The following OVCH1 variants were observed in gnomAD, a reference collection of about 807,000 sequenced individuals.
The protein encoded by OVCH1 is ovochymase 1.
A neutral mutation model predicts 138.4 loss-of-function variants in OVCH1; 139 were observed. That is an observed-to-expected ratio of 1.00 (90% confidence interval 0.87 to 1.16). OVCH1 has a LOEUF of 1.16. Among genes scored for constraint, OVCH1 ranks in the 50% most tolerant of loss-of-function variants. The probability of loss-of-function intolerance (pLI) is 0.00; values close to 1 mark genes in which losing one functional copy is unlikely to be tolerated. For synonymous variants in OVCH1, 453 were observed against 467.8 expected, an observed-to-expected ratio of 0.97 and a Z score of 0.41; for missense variants, 1,367 against 1,357.9, an observed-to-expected ratio of 1.01 and a Z score of -0.11.
downstream of OVCH1, among the ~76,000 whole-genome samples, chr12:29,410,916 G>C (rs1191394422): frequency 1.3e-5 from 2 of 151,866 alleles, no homozygotes; most frequent in African/African-American, 4.8e-5. Flanking sequence ...TTTCCATCTT[G>C]GTTCCATTCT....
At chr12:29,451,997 G>T (rs1225303357) in intron 21 of OVCH1, among the ~76,000 whole-genome samples, 1 of 152,078 alleles carries the variant, frequency 6.6e-6, no homozygotes, top group African/African-American at 2.4e-5. Context: ...TAACTTGCTG[G>T]ATATACTGAG....
At chr12:29,431,734 C>T (rs1565567203) in intron 27 of OVCH1, among the ~76,000 whole-genome samples, 1 of 152,188 alleles carries the variant, frequency 6.6e-6, no homozygotes, top group African/African-American at 2.4e-5. Flanking sequence ...AAACCTCACA[C>T]ATGGGGTATA....
intron 13 of OVCH1, among the ~76,000 whole-genome samples, 158 bp downstream of exon 13, chr12:29,476,048 T>C (rs142892074): frequency 2.8e-4 from 42 of 152,330 alleles, no homozygotes; most frequent in Non-Finnish European, 5.3e-4. Context: ...AGTTGCTGGC[T>C]CATAGGTTTT....
chr12:29,475,987 A>G (rs1001641049), intron 13 of OVCH1, among the ~76,000 whole-genome samples: 9 of 152,216 alleles, frequency 5.9e-5, no homozygotes, highest in Non-Finnish European at 1.3e-4. Context: ...ATGCAGTCTG[A>G]AACAATCTTT....
chr12:29,464,765 T>G, intron 17 of OVCH1, 63 bp from the exon 18 acceptor site: 1 of 1,396,138 alleles, frequency 7.2e-7, no homozygotes, highest in Non-Finnish European at 9.9e-7. Context: ...GCAACTTCCT[T>G]GTTGATGGTC....
chr12:29,416,219 T>C (rs1941029447), intron 3 of OVCH1, among the ~76,000 whole-genome samples: 1 of 152,018 alleles, frequency 6.6e-6, no homozygotes. Context: ...TATAGAACTT[T>C]TAGGAAGAGC....
At chr12:29,444,074 C>T (rs1941553440) in intron 24 of OVCH1, 71 bp downstream of exon 24, 2 of 1,469,462 alleles carry the variant, frequency 1.4e-6, no homozygotes, top group Non-Finnish European at 9.1e-7. Flanking sequence ...TAAGCAAGTA[C>T]CAAGTGTTGA....
chr12:29,429,195 A>C (rs1941228256), intron 27 of OVCH1, among the ~76,000 whole-genome samples: 1 of 152,218 alleles, frequency 6.6e-6, no homozygotes. Context: ...TACATTTTCA[A>C]AAAAGTTACC....
At chr12:29,443,312 T>C (rs1565573816) in intron 25 of OVCH1, 49 bp downstream of exon 25, 1 of 1,573,012 alleles carries the variant, frequency 6.4e-7, no homozygotes, top group South Asian at 1.2e-5. Context: ...CTAAACATGT[T>C]TCATCAGAGA....
intron 25 of OVCH1, chr12:29,440,711 G>A (rs954961359): frequency 6.6e-6 from 3 of 455,770 alleles, no homozygotes; most frequent in Non-Finnish European, 1.3e-5. Flanking sequence ...ATTGGCTTAG[G>A]AACCAAGAAA....
intron 14 of OVCH1, among the ~76,000 whole-genome samples, chr12:29,474,074 T>TACATACAC (rs1555150615): frequency 6.9e-6 from 1 of 145,192 alleles, no homozygotes; most frequent in African/African-American, 2.5e-5. Flanking sequence ...CACACACACA[T>TACATACAC]ACACACACAC....
At chr12:29,404,957 G>A in the OVCH1 span, among the ~76,000 whole-genome samples, 1 of 147,884 alleles carries the variant, frequency 6.8e-6, no homozygotes, top group Non-Finnish European at 1.5e-5. Flanking sequence ...AGGAGGCGGA[G>A]GTTGCAGTGA....
intron 3 of OVCH1, among the ~76,000 whole-genome samples, chr12:29,415,563 A>G (rs1024174221): frequency 6.6e-6 from 1 of 152,228 alleles, no homozygotes; most frequent in Non-Finnish European, 1.5e-5. Context: ...TACAACCACA[A>G]TGAAGACAAT....
intron 3 of OVCH1, among the ~76,000 whole-genome samples, chr12:29,416,668 G>C (rs892528181): frequency 2.6e-5 from 4 of 152,128 alleles, no homozygotes; most frequent in Non-Finnish European, 5.9e-5. Flanking sequence ...ATGCTAGTGA[G>C]GATGCAGAAA....
chr12:29,437,527 C>T (rs1046185339), intron 26 of OVCH1, among the ~76,000 whole-genome samples: 1 of 152,140 alleles, frequency 6.6e-6, no homozygotes, highest in African/African-American at 2.4e-5. Context: ...TGATCATACA[C>T]AATATGTTCT....
intron 26 of OVCH1, chr12:29,433,908 C>A: frequency 2.7e-6 from 3 of 1,116,064 alleles, no homozygotes; most frequent in South Asian, 1.8e-5. Context: ...GTAAAATGGG[C>A]AGTAAAGCAA....
chr12:29,478,394 T>A (rs1039308470), intron 9 of OVCH1, among the ~76,000 whole-genome samples: 1 of 152,192 alleles, frequency 6.6e-6, no homozygotes, highest in African/African-American at 2.4e-5. Flanking sequence ...TTGGTAAACA[T>A]GTACCCACTT....
At chr12:29,419,680 TATATA>T (rs1385297219) in intron 3 of OVCH1, among the ~76,000 whole-genome samples, 1 of 152,186 alleles carries the variant, frequency 6.6e-6, no homozygotes, top group African/African-American at 2.4e-5. Context: ...GTTATACACT[TATATA>T]ATGGCCTCTG....
At chr12:29,414,020 CTTTTTTTTT>C (rs74937229) in intron 3 of OVCH1, among the ~76,000 whole-genome samples, 1 of 38,528 alleles carries the variant, frequency 2.6e-5, no homozygotes, top group Non-Finnish European at 7.4e-5. Context: ...CTCTCTCTCT[CTTTTTTTTT>C]TTTTTTTTTT....
Sources: allele counts gnomAD v4.1 joint callset (sites outside exome capture counted in the v4.1 genomes callset), GRCh38; gene constraint gnomAD v4.1.1; transcripts MANE v1.5; gene names NCBI Gene and HGNC (gene_info 2026-07-23, HGNC 2026-07-21).